The following ADAMTS12 variants were observed in gnomAD, a reference collection of about 807,000 sequenced individuals.
ADAMTS12 encodes the protein ADAM metallopeptidase with thrombospondin type 1 motif 12.
Under a neutral mutation model 167.8 loss-of-function variants are expected in ADAMTS12, and 118 were observed. That is an observed-to-expected ratio of 0.70 (90% CI 0.61 to 0.82). The LOEUF (loss-of-function observed/expected upper bound fraction) is 0.82, where lower values mean the gene tolerates loss of function less well. ADAMTS12 is among the 40% of genes least tolerant of loss of function. ADAMTS12 has a pLI of 0.00. For missense variants in ADAMTS12, 1,916 were observed against 1,998.8 expected, an observed-to-expected ratio of 0.96 and a Z score of 0.79; for synonymous variants, 704 against 716.9, an observed-to-expected ratio of 0.98 and a Z score of 0.29.
At chr5:33,539,840 G>A (rs1368563970) in intron 22 of ADAMTS12, among the ~76,000 whole-genome samples, 4 of 152,114 alleles carry the variant, frequency 2.6e-5, no homozygotes, top group Non-Finnish European at 5.9e-5. Flanking sequence ...TTCCAAGATG[G>A]CTGAATAGGA....
At chr5:33,610,597 TA>T (rs1738682456) in intron 16 of ADAMTS12, among the ~76,000 whole-genome samples, 1 of 152,214 alleles carries the variant, frequency 6.6e-6, no homozygotes, top group Admixed American at 6.5e-5. Flanking sequence ...CTGTATGACC[TA>T]GGCATTTTAC....
intron 19 of ADAMTS12, among the ~76,000 whole-genome samples, chr5:33,568,686 T>A (rs1478208278): frequency 1.3e-5 from 2 of 152,282 alleles, no homozygotes; most frequent in Non-Finnish European, 2.9e-5. Flanking sequence ...GGGTGATTTC[T>A]GCATTTCCAT....
rs1747076893 is a variant in ADAMTS12 at position 33,803,233 on chromosome 5, A to G, written c.490-51685T>C. ...AAGATAACTAAACAAAAAAACCCAC[A>G]GACAAAACTATTACAAACCCCAAAA... On this transcript the variant is annotated intron_variant, in intron 2 of 23. Transcript: ENST00000504830. Among the ~76,000 whole-genome samples the G allele has an allele frequency of 2.0e-5, 3 of 152,378 alleles. No homozygotes were observed. In the South Asian group the frequency reaches 6.2e-4, roughly 32 times the overall value.
At chr5:33,751,793 C>T (rs1361285350) in intron 2 of ADAMTS12, among the ~76,000 whole-genome samples, 1 of 152,210 alleles carries the variant, frequency 6.6e-6, no homozygotes, top group Admixed American at 6.5e-5. Context: ...AAAGTGCACA[C>T]ATACACATGT....
intron 2 of ADAMTS12, among the ~76,000 whole-genome samples, chr5:33,803,637 A>T (rs1747095383): frequency 6.6e-6 from 1 of 152,170 alleles, no homozygotes; most frequent in Admixed American, 6.5e-5. Context: ...CATACCCAAG[A>T]CTGGGTAATT....
intron 2 of ADAMTS12, among the ~76,000 whole-genome samples, chr5:33,863,681 C>A (rs1749706416): frequency 6.6e-6 from 1 of 152,134 alleles, no homozygotes; most frequent in Admixed American, 6.6e-5. Flanking sequence ...CATTGACTTT[C>A]TTCACAGAAT....
chr5:33,714,956 C>T (rs367995595), intron 3 of ADAMTS12, among the ~76,000 whole-genome samples: 16 of 151,942 alleles, frequency 1.1e-4, no homozygotes, highest in South Asian at 2.1e-4. Context: ...AGTTTTGAAA[C>T]GTTCCCAAAA....
chr5:33,818,040 T>G (rs1256063924), intron 2 of ADAMTS12, among the ~76,000 whole-genome samples: 1 of 152,150 alleles, frequency 6.6e-6, no homozygotes, highest in Admixed American at 6.6e-5. Context: ...ATAGGATATA[T>G]GTAGACAGCA....
intron 3 of ADAMTS12, among the ~76,000 whole-genome samples, chr5:33,687,929 C>T (rs1459506676): frequency 6.6e-6 from 1 of 152,188 alleles, no homozygotes; most frequent in East Asian, 1.9e-4. Flanking sequence ...CCATCATACA[C>T]ATCACTCTGT....
chr5:33,561,693 A>G (rs772517428), intron 19 of ADAMTS12, among the ~76,000 whole-genome samples: 18 of 152,302 alleles, frequency 1.2e-4, no homozygotes, highest in Non-Finnish European at 2.4e-4. Flanking sequence ...AGTTGCTAGG[A>G]CTGCTTGAAC....
At chr5:33,604,452 A>T in intron 16 of ADAMTS12, among the ~76,000 whole-genome samples, 1 of 151,824 alleles carries the variant, frequency 6.6e-6, no homozygotes, top group East Asian at 1.9e-4. Flanking sequence ...AGTGAGCGGA[A>T]ATTACGCCAC....
rs1159355883 is a variant in ADAMTS12 at position 33,546,145 on chromosome 5, G to T, written c.4360C>A (p.Leu1454Ile). The change falls in exon 22 of 24, where the codon CTC (leucine) becomes ATC (isoleucine). Residue 1454 changes from leucine to isoleucine, a missense_variant. Coordinates refer to ENST00000504830, the MANE Select transcript of ADAMTS12 (RefSeq NM_030955.4). ...GTGGGTCTTTTTGTCCAATCACAGAGGCCTCCTGGACAGAACACTCCTCTC... is the reference window on the plus strand; with the variant it reads ...GTGGGTCTTTTTGTCCAATCACAGATGCCTCCTGGACAGAACACTCCTCTC... ...QERGVFCPGG[L>I]CDWTKRPTST... The T allele has an allele frequency of 6.2e-7, 1 of 1,613,806 alleles. No homozygotes were observed. The highest frequency in any genetic ancestry group is 1.3e-5 in the African/African-American group (1 of 74,876).
At chr5:33,651,023 A>G (rs1378367633) in intron 7 of ADAMTS12, among the ~76,000 whole-genome samples, 2 of 152,216 alleles carry the variant, frequency 1.3e-5, no homozygotes, top group Non-Finnish European at 2.9e-5. Context: ...GGTATTATCA[A>G]TGTACTTAAC....
intron 3 of ADAMTS12, among the ~76,000 whole-genome samples, chr5:33,750,773 T>C (rs951876405): frequency 2.6e-5 from 4 of 152,158 alleles, no homozygotes; most frequent in Non-Finnish European, 5.9e-5. Flanking sequence ...CTGAAATTAT[T>C]TGGGACAAGG....
intron 11 of ADAMTS12, 135 bp from the exon 12 acceptor site, chr5:33,637,881 T>G: frequency 6.6e-6 from 6 of 902,646 alleles, no homozygotes; most frequent in Non-Finnish European, 9.7e-6. Flanking sequence ...AATAACTGCT[T>G]CAAATTTTAC....
intron 2 of ADAMTS12, among the ~76,000 whole-genome samples, chr5:33,807,013 T>C (rs1747262439): frequency 6.6e-6 from 1 of 152,180 alleles, no homozygotes; most frequent in Non-Finnish European, 1.5e-5. Context: ...AACCCATTAA[T>C]GGTTTTCCAT....
At chr5:33,639,036 TC>T (rs1740327467) in intron 11 of ADAMTS12, among the ~76,000 whole-genome samples, 1 of 152,176 alleles carries the variant, frequency 6.6e-6, no homozygotes, top group African/African-American at 2.4e-5. Context: ...TTTGGTATTA[TC>T]TTTTTGTTAG....
Position 33,576,123 on chromosome 5 carries a change from A to T in ADAMTS12, c.3903T>A (p.Asn1301Lys), listed in dbSNP as rs1746696139. The T allele has an allele frequency of 1.2e-6, 2 of 1,614,028 alleles. No individual in the cohort carries two copies. Among genetic ancestry groups the T allele is most frequent in the Admixed American group, 3.3e-5 (2 of 59,994 alleles). The change falls in exon 19 of 24, where the codon AAT becomes AAA. Residue 1301 changes from asparagine (N) to lysine (K), a missense_variant. Physicochemically the swap from Asn to Lys is moderately conservative, Grantham distance 94. Coordinates refer to ENST00000504830, the MANE Select transcript of ADAMTS12 (RefSeq NM_030955.4). ...TTGTGAGCTGCTTGTAATTGGAGGC[A>T]TTTAGCAAAAAGCCCTCAGTAATCA... The part of the protein sequence containing the change: ...TSLITEGFLL[N>K]ASNYKQLTNG...
At chr5:33,541,125 T>C (rs1744675874) in intron 22 of ADAMTS12, among the ~76,000 whole-genome samples, 1 of 152,184 alleles carries the variant, frequency 6.6e-6, no homozygotes, top group African/African-American at 2.4e-5. Flanking sequence ...ATAAACAGTG[T>C]AGAGAAGACC....
Sources: gnomAD v4.1 joint callset for allele counts (sites outside exome capture counted in the v4.1 genomes callset) on GRCh38, gnomAD v4.1.1 for gene constraint, MANE v1.5 for transcripts, NCBI Gene and HGNC (gene_info 2026-07-23, HGNC 2026-07-21) for gene names.